The following FAIM variants were observed in gnomAD, a reference collection of about 807,000 sequenced individuals.
FAIM encodes the protein fas apoptotic inhibitory molecule 1.
A neutral mutation model predicts 21.2 loss-of-function variants in FAIM; 14 were observed. The ratio of observed to expected loss-of-function variants is 0.66; its 90% CI spans 0.44 to 1.03. FAIM has a LOEUF of 1.03. Ranked by LOEUF, FAIM falls within the 50% of genes least tolerant of loss-of-function variation. The probability of loss-of-function intolerance (pLI) is 0.00; values close to 1 mark genes in which losing one functional copy is unlikely to be tolerated. For missense variants in FAIM, 222 were observed against 247.1 expected (o/e 0.90, Z 0.68); for synonymous variants, 86 against 80.4 (o/e 1.07, Z -0.37).
intron 1 of FAIM, among the ~76,000 whole-genome samples, chr3:138,618,134 AC>A (rs1204455973): frequency 8.5e-6 from 1 of 117,678 alleles, no homozygotes; most frequent in African/African-American, 2.6e-5. Context: ...GGTGCATGCC[AC>A]CATGCCTGGC....
chr3:138,623,993 CA>C (rs1267791445), intron 4 of FAIM, among the ~76,000 whole-genome samples: 1 of 152,144 alleles, frequency 6.6e-6, no homozygotes, highest in African/African-American at 2.4e-5. Context: ...TTCTATTCTC[CA>C]TTGTTTTAAA....
intron 1 of FAIM, among the ~76,000 whole-genome samples, chr3:138,612,208 C>G (rs1024168808): frequency 1.7e-4 from 25 of 150,172 alleles, no homozygotes; most frequent in Non-Finnish European, 3.7e-4. Context: ...TCACGCCATT[C>G]TCCTGCCTCG....
chr3:138,613,475 A>C (rs1050056520), intron 1 of FAIM, among the ~76,000 whole-genome samples: 13 of 152,042 alleles, frequency 8.6e-5, no homozygotes, highest in African/African-American at 3.1e-4. Context: ...TTGATGCACA[A>C]AAATTTTAGT....
At chr3:138,631,842 G>A (rs2043008444) in intron 5 of FAIM, among the ~76,000 whole-genome samples, 1 of 152,032 alleles carries the variant, frequency 6.6e-6, no homozygotes, top group Non-Finnish European at 1.5e-5. Flanking sequence ...CATGCTTGTG[G>A]TATTCAGCAT....
chr3:138,630,852 G>A (rs2042997505), intron 5 of FAIM: 1 of 152,078 alleles, frequency 6.6e-6, no homozygotes, highest in South Asian at 2.1e-4. Flanking sequence ...TAAGAATATG[G>A]TTGTACTGGG....
At chr3:138,623,228 TTTTG>T (rs1288152746) in intron 4 of FAIM, among the ~76,000 whole-genome samples, 1 of 152,172 alleles carries the variant, frequency 6.6e-6, no homozygotes, top group Non-Finnish European at 1.5e-5. Context: ...GAAGAGTTTT[TTTTG>T]TTTGTTTTTC....
At chr3:138,612,666 G>A (rs1361675020) in intron 1 of FAIM, among the ~76,000 whole-genome samples, 1 of 152,140 alleles carries the variant, frequency 6.6e-6, no homozygotes, top group Non-Finnish European at 1.5e-5. Context: ...TGTCTGAGTG[G>A]CTGATTTCAA....
intron 1 of FAIM, among the ~76,000 whole-genome samples, chr3:138,615,212 G>A (rs2042814114): frequency 6.6e-6 from 1 of 152,150 alleles, no homozygotes; most frequent in Non-Finnish European, 1.5e-5. Context: ...AAAGTGAATG[G>A]TTGTATGGGT....
intron 4 of FAIM, among the ~76,000 whole-genome samples, chr3:138,628,866 TTC>T (rs2042970631): frequency 6.6e-6 from 1 of 152,216 alleles, no homozygotes; most frequent in Non-Finnish European, 1.5e-5. Context: ...GACCATAACT[TTC>T]TCTTAAAAGG....
At chr3:138,613,258 G>A (rs2042790501) in intron 1 of FAIM, among the ~76,000 whole-genome samples, 1 of 151,980 alleles carries the variant, frequency 6.6e-6, no homozygotes, top group Non-Finnish European at 1.5e-5. Context: ...GACCTCAGGT[G>A]ATCCACCCGC....
chr3:138,610,930 A>AC, intron 1 of FAIM: 1 of 1,593,486 alleles, frequency 6.3e-7, no homozygotes. Context: ...CAGAGCTACG[A>AC]CCCTTCCTCT....
At chr3:138,627,578 A>G (rs1487601909) in intron 4 of FAIM, among the ~76,000 whole-genome samples, 1 of 152,224 alleles carries the variant, frequency 6.6e-6, no homozygotes, top group East Asian at 1.9e-4. Context: ...GCTATTGTAG[A>G]AACTCTGAGT....
intron 4 of FAIM, among the ~76,000 whole-genome samples, chr3:138,622,765 G>A (rs1007481384): frequency 1.3e-5 from 2 of 152,036 alleles, no homozygotes; most frequent in African/African-American, 2.4e-5. Context: ...ATTGCCAGGC[G>A]CAGTGACTCA....
intron 4 of FAIM, among the ~76,000 whole-genome samples, chr3:138,627,881 G>A (rs2042956547): frequency 6.6e-6 from 1 of 152,152 alleles, no homozygotes; most frequent in Non-Finnish European, 1.5e-5. Flanking sequence ...TTTAGACTGT[G>A]CTCCTGGAGC....
chr3:138,628,429 G>A (rs2042963606), intron 4 of FAIM, among the ~76,000 whole-genome samples: 1 of 151,456 alleles, frequency 6.6e-6, no homozygotes. Flanking sequence ...TGTATGGAAG[G>A]GTCCCTCCTC....
At chr3:138,610,347 G>A (rs2042753907) in intron 1 of FAIM, among the ~76,000 whole-genome samples, 1 of 152,072 alleles carries the variant, frequency 6.6e-6, no homozygotes. Context: ...TATGAGATAC[G>A]CAAAAAGCTT....
At chr3:138,611,280 G>T (rs567049905) in intron 1 of FAIM, among the ~76,000 whole-genome samples, 33 of 141,482 alleles carry the variant, frequency 2.3e-4, no homozygotes, top group Middle Eastern at 3.7e-3. Context: ...TTCTTTTTTT[G>T]TTTTTTTTTT....
intron 1 of FAIM, among the ~76,000 whole-genome samples, chr3:138,614,507 A>G (rs1255039651): frequency 6.6e-6 from 1 of 152,180 alleles, no homozygotes; most frequent in Non-Finnish European, 1.5e-5. Flanking sequence ...ATCTCTTGAT[A>G]GCAGGTTCAA....
intron 4 of FAIM, among the ~76,000 whole-genome samples, chr3:138,628,075 C>T (rs2042958982): frequency 6.6e-6 from 1 of 152,170 alleles, no homozygotes; most frequent in African/African-American, 2.4e-5. Flanking sequence ...GCAAGGGGCT[C>T]TGGGGACTCC....
Sources: allele counts gnomAD v4.1 joint callset (sites outside exome capture counted in the v4.1 genomes callset), GRCh38; gene constraint gnomAD v4.1.1; transcripts MANE v1.5; gene names NCBI Gene and HGNC (gene_info 2026-07-23, HGNC 2026-07-21).